Variants in SLC34A2 observed in about 807,000 individuals in gnomAD.
SLC34A2 encodes the protein sodium-dependent phosphate transport protein 2B.
SLC34A2 carries 41 observed loss-of-function variants against 50.8 expected under a neutral mutation model. The observed-to-expected ratio is 0.81, with a 90% CI of 0.63 to 1.05. The LOEUF is 1.05. SLC34A2 is among the 50% of genes least tolerant of loss of function. The pLI is 0.00. For missense variants in SLC34A2, 879 were observed against 876.7 expected, an observed-to-expected ratio of 1.00 and a Z score of -0.03; for synonymous variants, 401 against 364.2, an observed-to-expected ratio of 1.10 and a Z score of -1.15.
At chr4:25,656,194 A>G (rs759996867) in intron 1 of SLC34A2, among the ~76,000 whole-genome samples, 2 of 152,192 alleles carry the variant, frequency 1.3e-5, no homozygotes, top group Non-Finnish European at 2.9e-5. Context: ...GGAAAGGCCC[A>G]GGGGATAGAA....
intron 1 of SLC34A2, among the ~76,000 whole-genome samples, chr4:25,659,302 A>G (rs1714058235): frequency 6.6e-6 from 1 of 152,322 alleles, no homozygotes; most frequent in Non-Finnish European, 1.5e-5. Context: ...ATGAGGTCAC[A>G]AACTGTATAG....
At chr4:25,663,842 A>AC (rs1323354487) in intron 3 of SLC34A2, among the ~76,000 whole-genome samples, 1 of 152,196 alleles carries the variant, frequency 6.6e-6, no homozygotes, top group Non-Finnish European at 1.5e-5. Flanking sequence ...CCGACCCTGC[A>AC]CTTAGCAGGT....
At position 25,666,204 on chromosome 4, in the gene SLC34A2, G is replaced by A; in HGVS notation, c.456G>A (p.Leu152=). ...TGTTGGGGCTGGTGATCGGGGTGCT[G>A]GTGACCGTCTTGGTGCAGAGCTCCA... ...NPLLGLVIGV[L]VTVLVQSSST... The change falls in exon 5 of 13, where the codon CTG becomes CTA. Residue 152 remains leucine, a synonymous_variant. Transcript: ENST00000382051. The A allele has an allele frequency of 6.2e-7, 1 of 1,614,060 alleles. No individual in the cohort carries two copies.
chr4:25,669,662 C>A lies in SLC34A2; in HGVS notation c.651C>A (p.Ala217=). The stretch of plus-strand genomic sequence containing the variant: ...CCTCCCATAGAGCTTTTGCAGGAGC[C>A]ACTGTCCATGACTTCTTCAACTGGC... The part of the protein sequence containing the change: ...RSEFRRAFAG[A]TVHDFFNWLS... Residue 217 remains alanine, a synonymous_variant, in exon 7 of 13, where the codon GCC becomes GCA. Transcript: ENST00000382051. The A allele has an allele frequency of 6.2e-7, 1 of 1,614,060 alleles. No individual in the cohort carries two copies. Among genetic ancestry groups the A allele is most frequent in the South Asian group, 1.1e-5 (1 of 91,062 alleles).
In SLC34A2 at chr4:25,664,211, C is replaced by T. The variant is rs533378583; in HGVS notation, c.260C>T (p.Thr87Ile). 1.2e-6 allele frequency: 2 copies of T among 1,611,208 alleles called. No homozygotes were observed. The highest frequency in any genetic ancestry group is 1.7e-6 in the Non-Finnish European group (2 of 1,178,252). ...TCCCACCCCCCTGCAGAGAGAGACA[C>T]CAAAGGGAAGATTCTCTGTTTCTTC... Reference protein sequence around the residue: ...DSGIKWSERDTKGKILCFFQG... With the variant: ...DSGIKWSERDIKGKILCFFQG... Residue 87 changes from threonine to isoleucine, a missense_variant, in exon 4 of 13, where the codon ACC (threonine) becomes ATC (isoleucine). By Grantham distance (89) the Thr-to-Ile change is moderately conservative. Coordinates refer to ENST00000382051, the MANE Select transcript of SLC34A2 (RefSeq NM_006424.3).
intron 1 of SLC34A2, among the ~76,000 whole-genome samples, chr4:25,661,290 T>C (rs927797877): frequency 6.6e-6 from 1 of 152,190 alleles, no homozygotes; most frequent in African/African-American, 2.4e-5. Flanking sequence ...CACTCATTAA[T>C]AGGTGGCACT....
rs16877427 is a variant in SLC34A2, at chr4:25,677,131, C to A, written c.*382C>A. ...GGAAGGAATGTATGAGAGGCTCTCC[C>A]AGATGAGGAAGTGTACTCTCTATGA... On this transcript the variant is annotated 3_prime_UTR_variant, in exon 13 of 13. Transcript: ENST00000382051. 7.2e-3 allele frequency: 1,918 copies of A among 266,704 alleles called. 26 individuals carry two copies. Among genetic ancestry groups the A allele is most frequent in the African/African-American group, 0.038 (1,764 of 46,294 alleles). The allele number at this position is 266,704 out of a possible 1,614,324, so 16.5% of individuals were successfully genotyped here.
chr4:25,666,376 T>C (rs1714505020), intron 5 of SLC34A2, 105 bp downstream of exon 5: 2 of 1,285,648 alleles, frequency 1.6e-6, no homozygotes, highest in South Asian at 1.4e-5. Flanking sequence ...GTCCAGGCCT[T>C]GCCACCATTG....
At chr4:25,660,083 T>C (rs1289413079) in intron 1 of SLC34A2, among the ~76,000 whole-genome samples, 3 of 152,282 alleles carry the variant, frequency 2.0e-5, no homozygotes, top group Non-Finnish European at 2.9e-5. Flanking sequence ...TTTTTCATTT[T>C]TTCACACTGT....
chr4:25,672,948 TC>T (rs1367904053), intron 9 of SLC34A2, 138 bp from the exon 10 acceptor site: 9 of 881,746 alleles, frequency 1.0e-5, no homozygotes, highest in Admixed American at 3.6e-5. Flanking sequence ...AGAAGGGCTG[TC>T]TTGATTTGGG....
At position 25,664,509 on chromosome 4, in the gene SLC34A2, C is replaced by T. The variant is rs187740273; in HGVS notation, c.379+179C>T. ...CCGTTATAGAAGAGAAAACTGAGGC[C>T]TATACAAAGGGCTATGACTTGGCCC... On this transcript the variant is annotated intron_variant, in intron 4 of 12. Coordinates refer to ENST00000382051, the MANE Select transcript of SLC34A2 (RefSeq NM_006424.3). 8.5e-5 allele frequency among the ~76,000 whole-genome samples: 13 copies of T among 152,282 alleles called. No homozygotes were observed. The East Asian group carries it at 2.5e-3, about 29-fold the overall frequency.
At chr4:25,661,874 CT>C (rs796086178) in intron 1 of SLC34A2, among the ~76,000 whole-genome samples, 3,369 of 138,326 alleles carry the variant, frequency 0.024, 91 homozygotes, top group African/African-American at 0.078. Context: ...CTGCCTTTTT[CT>C]TTTTTTTTTT....
intron 7 of SLC34A2, among the ~76,000 whole-genome samples, chr4:25,670,117 G>C (rs907044857): frequency 3.9e-5 from 6 of 152,210 alleles, no homozygotes; most frequent in African/African-American, 1.4e-4. Context: ...CAGCTATGTG[G>C]GGGCTGAGAA....
At position 25,674,202 on chromosome 4, in the gene SLC34A2, G is replaced by A. The variant is rs868621264; in HGVS notation, c.1217-94G>A. On this transcript the variant is annotated intron_variant, in intron 10 of 12. Coordinates refer to ENST00000382051, the MANE Select transcript of SLC34A2 (RefSeq NM_006424.3). The stretch of plus-strand genomic sequence containing the variant: ...AATCTGAGACCATATATGGGATGAT[G>A]TACAACCTCACCCCTAAGCCCAGCC... 1.2e-5 allele frequency: 10 copies of A among 838,706 alleles called. No individual in the cohort carries two copies. In the East Asian group the frequency reaches 2.5e-4, roughly 21 times the overall value. 52.0% of individuals were successfully genotyped at this position (838,706 alleles called of 1,614,324 possible).
At chr4:25,660,975 C>A (rs1393806719) in intron 1 of SLC34A2, among the ~76,000 whole-genome samples, 1 of 152,154 alleles carries the variant, frequency 6.6e-6, no homozygotes, top group African/African-American at 2.4e-5. Context: ...ACAAGGACTG[C>A]AAGGACTGGA....
intron 12 of SLC34A2, 149 bp downstream of exon 12, chr4:25,674,778 A>G: frequency 1.0e-6 from 1 of 977,420 alleles, no homozygotes; most frequent in African/African-American, 1.6e-5. Flanking sequence ...TAAAGTTTTC[A>G]GGACCTTGAT....
chr4:25,656,274 T>C (rs1322652454), intron 1 of SLC34A2, among the ~76,000 whole-genome samples: 4 of 152,170 alleles, frequency 2.6e-5, no homozygotes, highest in African/African-American at 4.8e-5. Context: ...GTGACAACGC[T>C]AGTCCCTGTG....
At chr4:25,668,713 C>T (rs187489220) in intron 6 of SLC34A2, among the ~76,000 whole-genome samples, 6 of 151,902 alleles carry the variant, frequency 3.9e-5, no homozygotes, top group Admixed American at 1.3e-4. Context: ...CTTCCACTTT[C>T]GGTCAGCTCA....
intron 1 of SLC34A2, chr4:25,656,465 G>A (rs572335775): frequency 6.6e-6 from 1 of 152,368 alleles, no homozygotes; most frequent in African/African-American, 2.4e-5. Context: ...GACAGTCTTA[G>A]TTTGTTTCTA....
Sources: gnomAD v4.1 joint callset for allele counts (sites outside exome capture counted in the v4.1 genomes callset) on GRCh38, gnomAD v4.1.1 for gene constraint, MANE v1.5 for transcripts, NCBI Gene and HGNC (gene_info 2026-07-23, HGNC 2026-07-21) for gene names.